The following TCP11L2 variants were observed in gnomAD, a reference collection of about 807,000 sequenced individuals.
TCP11L2 encodes T-complex protein 11-like protein 2.
TCP11L2 carries 39 observed loss-of-function variants against 50.7 expected under a neutral mutation model. The ratio of observed to expected loss-of-function variants is 0.77; its 90% CI spans 0.60 to 1.01. The LOEUF is 1.01. Among genes scored for constraint, TCP11L2 ranks in the 50% least tolerant of loss-of-function variants. The pLI is 0.00. For missense variants in TCP11L2, 612 were observed against 614.7 expected (o/e 1.00, Z 0.05); for synonymous variants, 192 against 219.3 (o/e 0.88, Z 1.10).
intron 2 of TCP11L2, among the ~76,000 whole-genome samples, chr12:106,313,764 A>T (rs2034954585): frequency 8.8e-6 from 1 of 113,890 alleles, no homozygotes; most frequent in Non-Finnish European, 1.7e-5. Context: ...AGGTAATTTA[A>T]TTTTTTTTTT....
intron 9 of TCP11L2, among the ~76,000 whole-genome samples, chr12:106,343,155 C>G (rs1456862961): frequency 6.6e-6 from 1 of 152,188 alleles, no homozygotes; most frequent in Non-Finnish European, 1.5e-5. Flanking sequence ...TACAAACACT[C>G]CGGTCACTTT....
chr12:106,314,576 T>TGTGAGA (rs1469308055), intron 3 of TCP11L2, 83 bp downstream of exon 3: 2 of 282,662 alleles, frequency 7.1e-6, no homozygotes, highest in South Asian at 7.0e-5. Context: ...TGTGTGTGTG[T>TGTGAGA]GAGAGAGAGA....
Position 106,336,228 on chromosome 12 carries a change from T to C in TCP11L2, c.1142+15T>C. 3 of 1,598,332 alleles carry C rather than the reference T, an allele frequency of 1.9e-6. No individual in the cohort carries two copies. On this transcript the variant is annotated intron_variant, in intron 8 of 9. Coordinates refer to ENST00000299045, the MANE Select transcript of TCP11L2 (RefSeq NM_152772.3). Reference sequence around the variant, plus strand: ...ATGAACAAAGAGTAAGTTCCAAATTTTTGCATCTGCTCCCTCTTGTATTAA... The same window carrying C: ...ATGAACAAAGAGTAAGTTCCAAATTCTTGCATCTGCTCCCTCTTGTATTAA...
At chr12:106,335,858 C>T (rs770322731) in intron 7 of TCP11L2, 32 bp downstream of exon 7, 4 of 1,600,462 alleles carry the variant, frequency 2.5e-6, no homozygotes, top group Non-Finnish European at 8.5e-7. Flanking sequence ...CCAAATTTCC[C>T]AGTATTTTTA....
chr12:106,316,701 T>C (rs1272564358), intron 3 of TCP11L2, among the ~76,000 whole-genome samples: 1 of 152,122 alleles, frequency 6.6e-6, no homozygotes, highest in Non-Finnish European at 1.5e-5. Context: ...ATTTTTAATG[T>C]ATTTTTTGCC....
At chr12:106,312,608 C>T (rs929103379) in intron 2 of TCP11L2, among the ~76,000 whole-genome samples, 13 of 152,148 alleles carry the variant, frequency 8.5e-5, no homozygotes, top group Admixed American at 2.0e-4. Flanking sequence ...GGTAGCCAGG[C>T]GCAGTGGCTC....
chr12:106,319,754 C>T (rs1266523953), intron 4 of TCP11L2, among the ~76,000 whole-genome samples: 1 of 152,246 alleles, frequency 6.6e-6, no homozygotes, highest in Non-Finnish European at 1.5e-5. Flanking sequence ...AGTTTTCTGA[C>T]TCATCCAGGG....
At chr12:106,323,429 C>A in intron 5 of TCP11L2, 81 bp from the exon 6 acceptor site, 1 of 1,289,864 alleles carries the variant, frequency 7.8e-7, no homozygotes, top group South Asian at 1.6e-5. Context: ...TTATTGTTTT[C>A]AGCCTGGAAC....
chr12:106,336,246 T>G lies in TCP11L2; in HGVS notation c.1142+33T>G, dbSNP rs377528732. 629 of 1,578,940 alleles carry G rather than the reference T, an allele frequency of 4.0e-4. 1 individual carries two copies. The highest frequency in any genetic ancestry group is 6.5e-4 in the Admixed American group (36 of 55,364). On this transcript the variant is annotated intron_variant, in intron 8 of 9. Transcript: ENST00000299045. ...CCAAATTTTTGCATCTGCTCCCTCT[T>G]GTATTAAGGCTCTGCATGTGTCTCA... is the stretch of plus-strand genomic sequence containing the variant.
intron 6 of TCP11L2, among the ~76,000 whole-genome samples, chr12:106,331,254 T>C (rs138462173): frequency 6.2e-4 from 94 of 152,276 alleles, no homozygotes; most frequent in African/African-American, 2.1e-3. Context: ...TTTAAAGCAT[T>C]GGCTTTTCTT....
At chr12:106,329,210 G>T in intron 6 of TCP11L2, 1 of 1,226,682 alleles carries the variant, frequency 8.2e-7, no homozygotes, top group South Asian at 1.3e-5. Flanking sequence ...CGAGTGCAGG[G>T]ACTGTGCTTA....
chr12:106,319,222 T>G (rs140756959), intron 4 of TCP11L2, among the ~76,000 whole-genome samples: 295 of 152,308 alleles, frequency 1.9e-3, no homozygotes, highest in Admixed American at 4.1e-3. Context: ...AGGGTCTCTT[T>G]TATAACAGTA....
chr12:106,331,579 G>C (rs1174842910), intron 6 of TCP11L2, among the ~76,000 whole-genome samples: 1 of 152,142 alleles, frequency 6.6e-6, no homozygotes, highest in Non-Finnish European at 1.5e-5. Context: ...TGCCAGAAAC[G>C]GTTCTAAGTG....
At chr12:106,300,323 T>C (rs1044071167), upstream of TCP11L2, among the ~76,000 whole-genome samples, 1 of 152,042 alleles carries the variant, frequency 6.6e-6, no homozygotes, top group Non-Finnish European at 1.5e-5. Context: ...TTTTTCAAAG[T>C]GTTGTTTTTG....
intron 1 of TCP11L2, among the ~76,000 whole-genome samples, chr12:106,308,845 G>A (rs968587122): frequency 6.6e-6 from 1 of 152,130 alleles, no homozygotes; most frequent in Non-Finnish European, 1.5e-5. Flanking sequence ...TGAGATTCAG[G>A]GATTCTGATT....
At chr12:106,317,382 A>G (rs2250708) in intron 3 of TCP11L2, among the ~76,000 whole-genome samples, 89,083 of 151,642 alleles carry the variant, frequency 0.59, 26,552 homozygotes, top group East Asian at 0.77. Flanking sequence ...TGGGTGTGGC[A>G]GTGCATGCCT....
intron 1 of TCP11L2, among the ~76,000 whole-genome samples, chr12:106,309,871 A>G (rs904526440): frequency 6.6e-6 from 1 of 152,034 alleles, no homozygotes; most frequent in Non-Finnish European, 1.5e-5. Flanking sequence ...CATACTATAC[A>G]TAGTTGTGGT....
intron 9 of TCP11L2, among the ~76,000 whole-genome samples, chr12:106,345,799 G>A (rs1461076763): frequency 6.6e-6 from 1 of 152,168 alleles, no homozygotes; most frequent in African/African-American, 2.4e-5. Context: ...ATGTATTTGT[G>A]GTTCAGCTGT....
chr12:106,309,963 C>A (rs1016606597), intron 1 of TCP11L2, among the ~76,000 whole-genome samples: 1 of 152,138 alleles, frequency 6.6e-6, no homozygotes, highest in Non-Finnish European at 1.5e-5. Flanking sequence ...GTGAACTCTT[C>A]CTCTCATTAT....
Sources: allele counts gnomAD v4.1 joint callset (sites outside exome capture counted in the v4.1 genomes callset), GRCh38; gene constraint gnomAD v4.1.1; transcripts MANE v1.5; gene names NCBI Gene and HGNC (gene_info 2026-07-23, HGNC 2026-07-21).